The following PHAF1 variants were observed in gnomAD, a reference collection of about 807,000 sequenced individuals.
PHAF1 encodes phagophore assembly factor 1, also known as phagosome assembly factor 1.
In PHAF1, 23 loss-of-function variants were observed where a neutral mutation model predicts 63.1. The ratio of observed to expected loss-of-function variants is 0.36; its 90% CI spans 0.26 to 0.52. PHAF1 has a LOEUF of 0.52. PHAF1 is among the 20% of genes least tolerant of loss of function. The pLI, the probability that PHAF1 is intolerant of heterozygous loss-of-function variation, is 0.93. For synonymous variants in PHAF1, 167 were observed against 185.0 expected (o/e 0.90, Z 0.79); for missense variants, 427 against 517.2 (o/e 0.83, Z 1.69).
Position 67,134,454 on chromosome 16 carries a change from C to T in PHAF1, c.648C>T (p.Arg216=). The change falls in exon 8 of 16, where the codon CGC becomes CGT. Residue 216 remains arginine, a synonymous_variant. Transcript: ENST00000219139. ...DGTGPAGLRL[R]LLAAGCGPGL... ...CTGGACCTGCAGGTTTACGACTTCG[C>T]CTACTTGCTGCAGGTCAGTGACTGG... The T allele has an allele frequency of 6.2e-7, 1 of 1,611,952 alleles. No homozygotes were observed. The highest frequency in any genetic ancestry group is 8.5e-7 in the Non-Finnish European group (1 of 1,178,046).
chr16:67,139,792 C>G, intron 8 of PHAF1, 192 bp from the exon 9 acceptor site: 1 of 605,032 alleles, frequency 1.7e-6, no homozygotes. Context: ...GAATAAGTCC[C>G]TGGCATTATT....
intron 1 of PHAF1, among the ~76,000 whole-genome samples, chr16:67,111,117 C>G (rs1962498879): frequency 6.6e-6 from 1 of 152,118 alleles, no homozygotes; most frequent in Non-Finnish European, 1.5e-5. Flanking sequence ...CCCGGCCCCG[C>G]TTCTCTCTCT....
intron 14 of PHAF1, among the ~76,000 whole-genome samples, chr16:67,145,963 T>C (rs2030020907): frequency 6.6e-6 from 1 of 152,154 alleles, no homozygotes; most frequent in Non-Finnish European, 1.5e-5. Flanking sequence ...TGCTGCCTGC[T>C]GAAGTCCACA....
chr16:67,109,957 C>T lies in PHAF1; in HGVS notation c.-219C>T, dbSNP rs1962434854. The T allele has an allele frequency of 1.9e-6, 1 of 524,762 alleles. No homozygotes were observed. Among genetic ancestry groups the T allele is most frequent in the Non-Finnish European group, 3.3e-6 (1 of 299,188 alleles). 32.5% of individuals were successfully genotyped at this position (524,762 alleles called of 1,614,324 possible). ...ACTTTTACTGCAGTCGCGCCCGCCG[C>T]CGTCGTTGCCCCCGCTGCCGCGGCT... On this transcript the variant is annotated 5_prime_UTR_variant, in exon 1 of 16. Coordinates refer to ENST00000219139, the MANE Select transcript of PHAF1 (RefSeq NM_025187.5).
intron 1 of PHAF1, among the ~76,000 whole-genome samples, chr16:67,119,010 A>T (rs560388384): frequency 3.3e-5 from 5 of 152,112 alleles, no homozygotes; most frequent in Non-Finnish European, 5.9e-5. Context: ...TCCTGGCCTC[A>T]GGCGATCCTC....
At chr16:67,145,706 T>C in intron 14 of PHAF1, 78 bp downstream of exon 14, 1 of 1,456,746 alleles carries the variant, frequency 6.9e-7, no homozygotes, top group Non-Finnish European at 9.4e-7. Flanking sequence ...CCTGGCACAG[T>C]GGATGTTGCT....
At chr16:67,127,707 A>G (rs1410398987) in intron 3 of PHAF1, among the ~76,000 whole-genome samples, 1 of 151,960 alleles carries the variant, frequency 6.6e-6, no homozygotes, top group Non-Finnish European at 1.5e-5. Context: ...GAGGCAGGAG[A>G]ATGGCGTGAA....
intron 14 of PHAF1, among the ~76,000 whole-genome samples, chr16:67,146,038 G>A (rs1349901003): frequency 2.0e-5 from 3 of 152,044 alleles, no homozygotes; most frequent in Non-Finnish European, 2.9e-5. Flanking sequence ...TTGACTCCTC[G>A]CCACCCTAGT....
At chr16:67,122,664 T>A (rs1294364828) in intron 2 of PHAF1, among the ~76,000 whole-genome samples, 1 of 152,144 alleles carries the variant, frequency 6.6e-6, no homozygotes, top group African/African-American at 2.4e-5. Flanking sequence ...TGTGGCATAT[T>A]AATAAGTAAT....
At chr16:67,136,554 CTTTTTTTTTTTTTTTTT>C (rs34174571) in intron 8 of PHAF1, among the ~76,000 whole-genome samples, 1 of 60,492 alleles carries the variant, frequency 1.7e-5, no homozygotes, top group Non-Finnish European at 3.0e-5. Flanking sequence ...GCATTGATTC[CTTTTTTTTTTTTTTTTT>C]TTTTTTTTTT....
chr16:67,127,267 C>G (rs1337284273), intron 3 of PHAF1, among the ~76,000 whole-genome samples: 2 of 152,118 alleles, frequency 1.3e-5, no homozygotes, highest in Admixed American at 6.6e-5. Flanking sequence ...TTGGATGGGC[C>G]CTGGGCAGTG....
intron 10 of PHAF1, among the ~76,000 whole-genome samples, chr16:67,143,681 C>T (rs548169205): frequency 6.3e-4 from 96 of 152,280 alleles, no homozygotes; most frequent in African/African-American, 5.8e-4. Context: ...AGAACACAGA[C>T]GGACAACCCT....
intron 1 of PHAF1, among the ~76,000 whole-genome samples, chr16:67,118,538 C>T (rs1326236971): frequency 2.0e-5 from 3 of 149,710 alleles, no homozygotes; most frequent in Non-Finnish European, 3.0e-5. Flanking sequence ...GGTTTCACCA[C>T]GTTGGCTAGG....
In PHAF1 at chr16:67,121,503, A is replaced by G. The variant is rs372010771; in HGVS notation, c.147+1309A>G. Among the ~76,000 whole-genome samples, 34 of 141,324 alleles carry G rather than the reference A, an allele frequency of 2.4e-4. 1 individual carries two copies. The East Asian group carries it at 7.2e-3, about 30-fold the overall frequency. The allele number at this position is 141,324 out of a possible 152,430, so 92.7% of individuals were successfully genotyped here. A position where few individuals can be genotyped will look rare whatever the true frequency, so the allele number is the denominator to read the frequency against. On this transcript the variant is annotated intron_variant, in intron 2 of 15. Transcript: ENST00000219139. ...AAGCGTGAGCCACCGTGCCTGGCCA[A>G]GAGTGGGCAGGGGTTTCTTAAACCA...
chr16:67,146,952 A>C, intron 15 of PHAF1, 93 bp from the exon 16 acceptor site: 1 of 1,160,050 alleles, frequency 8.6e-7, no homozygotes, highest in South Asian at 1.3e-5. Context: ...CATTAGGTGC[A>C]GGTATGTCAC....
In PHAF1 at chr16:67,147,426, A is replaced by C; in HGVS notation, c.*295A>C. On this transcript the variant is annotated 3_prime_UTR_variant, in exon 16 of 16. Transcript: ENST00000219139. ...AGCTCTCAACTAACAAGGAGGCAGG[A>C]GAGGTCAACCCTTGTCCCATGCACA... 2.3e-6 allele frequency: 1 copy of C among 433,024 alleles called. No homozygotes were observed. The highest frequency in any genetic ancestry group is 4.2e-6 in the Non-Finnish European group (1 of 239,676). The allele number at this position is 433,024 out of a possible 1,614,324, so 26.8% of individuals were successfully genotyped here.
Position 67,145,634 on chromosome 16 carries a change from T to C in PHAF1, c.1109+6T>C. 6.2e-7 allele frequency: 1 copy of C among 1,610,212 alleles called. No homozygotes were observed. ...AAGCCTGTTGTCCTGCACAGGTGAG[T>C]GGGAGTTTGATGTCCCCGGCCACCC... On this transcript the variant is annotated splice_donor_region_variant and intron_variant, in intron 14 of 15. Coordinates refer to ENST00000219139, the MANE Select transcript of PHAF1 (RefSeq NM_025187.5).
Position 67,147,226 on chromosome 16 carries a change from C to T in PHAF1, c.*95C>T. ...CCACCCTGTGGGTTTTCTTGGACAC[C>T]TGGCCAGTGCTGAAGGGCTGTTGTG... On this transcript the variant is annotated 3_prime_UTR_variant, in exon 16 of 16. Coordinates refer to ENST00000219139, the MANE Select transcript of PHAF1 (RefSeq NM_025187.5). 8.3e-7 allele frequency: 1 copy of T among 1,205,708 alleles called. No individual in the cohort carries two copies. The highest frequency in any genetic ancestry group is 2.0e-4 in the Middle Eastern group (1 of 5,042). 74.7% of individuals were successfully genotyped at this position (1,205,708 alleles called of 1,614,324 possible). A position where few individuals can be genotyped will look rare whatever the true frequency, so the allele number is the denominator to read the frequency against.
rs551463845 is a variant in PHAF1, at chr16:67,110,303, C to T, written c.64+64C>T. The T allele has an allele frequency of 4.4e-5, 67 of 1,518,490 alleles. 2 individuals are homozygous for T. The South Asian group carries it at 7.9e-4, about 18-fold the overall frequency. The allele number at this position is 1,518,490 out of a possible 1,614,324, so 94.1% of individuals were successfully genotyped here. A position where few individuals can be genotyped will look rare whatever the true frequency, so the allele number is the denominator to read the frequency against. ...TCCTTGCTTTCTCCTGGGCTCTTCC[C>T]ACCTGTTCTCAGTCTCTCACGCCCC... On this transcript the variant is annotated intron_variant, in intron 1 of 15. Transcript: ENST00000219139.
Sources: allele counts gnomAD v4.1 joint callset (sites outside exome capture counted in the v4.1 genomes callset), GRCh38; gene constraint gnomAD v4.1.1; transcripts MANE v1.5; gene names NCBI Gene and HGNC (gene_info 2026-07-23, HGNC 2026-07-21).